The following SLC9D1 variants were observed in gnomAD, a reference collection of about 807,000 sequenced individuals.
SLC9D1 encodes the protein putative LAG1-interacting protein.
chr13:113,525,787 G>A, the SLC9D1 span, among the ~76,000 whole-genome samples: 6 of 146,604 alleles, frequency 4.1e-5, no homozygotes, highest in East Asian at 2.1e-4. Flanking sequence ...GCTCTGTGCC[G>A]GTTATTCTAG....
chr13:113,504,137 A>G, the SLC9D1 span: 1 of 152,414 alleles, frequency 6.6e-6, no homozygotes, highest in African/African-American at 2.4e-5. Flanking sequence ...CGACTTAGCA[A>G]AAGTTTTTAA....
At chr13:113,516,459 G>A in the SLC9D1 span, among the ~76,000 whole-genome samples, 5 of 151,908 alleles carry the variant, frequency 3.3e-5, no homozygotes, top group South Asian at 6.2e-4. Context: ...CCAGCTACTC[G>A]GGAGGCTGAG....
the SLC9D1 span, chr13:113,510,144 T>A: frequency 8.4e-7 from 1 of 1,193,216 alleles, no homozygotes; most frequent in Non-Finnish European, 1.2e-6. Flanking sequence ...CAGCTCTGCC[T>A]CCTTTCCTGG....
At chr13:113,522,516 A>G in the SLC9D1 span, among the ~76,000 whole-genome samples, 1 of 151,892 alleles carries the variant, frequency 6.6e-6, no homozygotes, top group Non-Finnish European at 1.5e-5. Context: ...AATTTTTTGT[A>G]TTTTTAGTAG....
the SLC9D1 span, among the ~76,000 whole-genome samples, chr13:113,506,463 G>A: frequency 1.3e-5 from 2 of 152,182 alleles, no homozygotes; most frequent in East Asian, 3.9e-4. Flanking sequence ...GTTTGGGGAT[G>A]TGGCTGTCCA....
the SLC9D1 span, among the ~76,000 whole-genome samples, chr13:113,496,854 A>AC: frequency 6.6e-6 from 1 of 152,276 alleles, no homozygotes; most frequent in Non-Finnish European, 1.5e-5. Flanking sequence ...AGCTACTGTG[A>AC]CCCTGTGTAC....
At chr13:113,531,846 T>A in the SLC9D1 span, among the ~76,000 whole-genome samples, 1 of 152,252 alleles carries the variant, frequency 6.6e-6, no homozygotes, top group Non-Finnish European at 1.5e-5. Context: ...CTCATCACTG[T>A]GCATTTAATG....
chr13:113,538,111 GTGTT>G, the SLC9D1 span, among the ~76,000 whole-genome samples: 57 of 143,126 alleles, frequency 4.0e-4, no homozygotes, highest in East Asian at 4.0e-4. Context: ...GTGCATGTAT[GTGTT>G]TGTGCATGCA....
chr13:113,513,076 G>C, the SLC9D1 span, among the ~76,000 whole-genome samples: 1 of 152,148 alleles, frequency 6.6e-6, no homozygotes, highest in Admixed American at 6.5e-5. Flanking sequence ...ATGTTCTGCA[G>C]CTGAGCATGA....
the SLC9D1 span, among the ~76,000 whole-genome samples, chr13:113,546,145 G>A: frequency 6.6e-6 from 1 of 152,156 alleles, no homozygotes; most frequent in Non-Finnish European, 1.5e-5. The surrounding 1 kb of genome is among the most constrained non-coding windows in gnomAD (Gnocchi z 7.1). Context: ...TTGTGCCGGC[G>A]TGGACATAGG....
At chr13:113,505,898 C>T in the SLC9D1 span, 4 of 152,250 alleles carry the variant, frequency 2.6e-5, no homozygotes, top group Non-Finnish European at 5.9e-5. Context: ...CTCCGTTTTT[C>T]CATCTTCCCA....
chr13:113,498,581 T>C, the SLC9D1 span: 2 of 1,345,762 alleles, frequency 1.5e-6, no homozygotes, highest in Non-Finnish European at 2.0e-6. Context: ...TCAGAAGACA[T>C]GTTGTTGAAA....
the SLC9D1 span, chr13:113,533,988 T>G: frequency 1.5e-6 from 2 of 1,303,462 alleles, no homozygotes; most frequent in Non-Finnish European, 2.1e-6. Flanking sequence ...ATTATTTTAT[T>G]GAGTTTTAGA....
the SLC9D1 span, among the ~76,000 whole-genome samples, chr13:113,543,908 C>T: frequency 2.1e-3 from 320 of 152,272 alleles, 3 homozygotes; most frequent in African/African-American, 7.4e-3. Flanking sequence ...TCAGGGAATT[C>T]AAGTTAATTT....
At chr13:113,525,439 T>C in the SLC9D1 span, among the ~76,000 whole-genome samples, 1 of 152,392 alleles carries the variant, frequency 6.6e-6, no homozygotes, top group African/African-American at 2.4e-5. Flanking sequence ...TACTGGTTTA[T>C]GTATTTACTA....
chr13:113,536,860 A>C, the SLC9D1 span, among the ~76,000 whole-genome samples: 2 of 152,190 alleles, frequency 1.3e-5, no homozygotes, highest in African/African-American at 4.8e-5. Context: ...GGCCACAGTA[A>C]ACAGGAGCTC....
the SLC9D1 span, among the ~76,000 whole-genome samples, chr13:113,491,967 T>A: frequency 1.6e-3 from 248 of 152,358 alleles, no homozygotes; most frequent in Non-Finnish European, 3.0e-3. Context: ...GTGAAATATT[T>A]GTAGTTTTTT....
the SLC9D1 span, chr13:113,534,546 G>C: frequency 2.6e-6 from 1 of 384,550 alleles, no homozygotes; most frequent in Non-Finnish European, 4.6e-6. Flanking sequence ...CCTAGCATGT[G>C]GGGAAGCTGA....
At chr13:113,495,650 G>A in the SLC9D1 span, 1 of 1,599,180 alleles carries the variant, frequency 6.3e-7, no homozygotes, top group South Asian at 1.1e-5. Context: ...TGCAGGCTGT[G>A]GAGCACGAGG....
Sources: allele counts gnomAD v4.1 joint callset (sites outside exome capture counted in the v4.1 genomes callset), GRCh38; gene constraint gnomAD v4.1.1; non-coding constraint Gnocchi (gnomAD v3.1); transcripts MANE v1.5; gene names NCBI Gene and HGNC (gene_info 2026-07-23, HGNC 2026-07-21).